The following PITPNM2 variants were observed in gnomAD, a reference collection of about 807,000 sequenced individuals.
The protein encoded by PITPNM2 is phosphatidylinositol transfer protein membrane associated 2.
Under a neutral mutation model 132.2 loss-of-function variants are expected in PITPNM2, and 35 were observed. The observed-to-expected ratio is 0.26, with a 90% CI of 0.20 to 0.35. The LOEUF is 0.35. Ranked by LOEUF, PITPNM2 falls within the 10% of genes least tolerant of loss-of-function variation. PITPNM2 has a pLI of 1.00. For synonymous variants in PITPNM2, 738 were observed against 799.2 expected (o/e 0.92, Z 1.29); for missense variants, 1,332 against 1,912.0 (o/e 0.70, Z 5.66).
rs1278751715 is a variant in PITPNM2, at chr12:123,064,525, G to A, written c.-95-29840C>T. On this transcript the variant is annotated intron_variant, in intron 2 of 25. Coordinates refer to ENST00000320201, the MANE Select transcript of PITPNM2 (RefSeq NM_020845.3). The surrounding 1 kb of genome is among the most constrained non-coding windows in gnomAD (Gnocchi z 4.0). ...GCCCAAGCCCATCGCGCACAGTCTG[G>A]CTCCTCTATCTTTGGCGGGGAGCCT... Among the ~76,000 whole-genome samples, 1 of 152,208 alleles carries A rather than the reference G, an allele frequency of 6.6e-6. No homozygotes were observed. The highest frequency in any genetic ancestry group is 2.1e-4 in the South Asian group (1 of 4,830).
chr12:123,009,318 C>G lies in PITPNM2; in HGVS notation c.643+532G>C, dbSNP rs2136227205. On this transcript the variant is annotated intron_variant, in intron 6 of 25. Coordinates refer to ENST00000320201, the MANE Select transcript of PITPNM2 (RefSeq NM_020845.3). This position sits in a 1 kb window ranked among gnomAD's most constrained non-coding sequence, Gnocchi z 4.8. ...GACCCCCAGGCCATCTGCTGTCTAC[C>G]TGTTCCATGGGCACCTACTCTGGCT... Among the ~76,000 whole-genome samples, 1 of 152,310 alleles carries G rather than the reference C, an allele frequency of 6.6e-6. No individual in the cohort carries two copies. Among genetic ancestry groups the G allele is most frequent in the East Asian group, 1.9e-4 (1 of 5,188 alleles).
rs1249027368 is a variant in PITPNM2 at position 123,009,288 on chromosome 12, A to G, written c.643+562T>C. Among the ~76,000 whole-genome samples, 1 of 152,144 alleles carries G rather than the reference A, an allele frequency of 6.6e-6. No individual in the cohort carries two copies. Among genetic ancestry groups the G allele is most frequent in the African/African-American group, 2.4e-5 (1 of 41,414 alleles). On this transcript the variant is annotated intron_variant, in intron 6 of 25. Transcript: ENST00000320201. This position sits in a 1 kb window ranked among gnomAD's most constrained non-coding sequence, Gnocchi z 4.8. ...TAGGTGAGGAAATGGCACTCACTGC[A>G]CCAGGACCCCCAGGCCATCTGCTGT... is the stretch of plus-strand genomic sequence containing the variant.
chr12:123,020,964 G>C (rs1335966542), intron 3 of PITPNM2, among the ~76,000 whole-genome samples: 1 of 150,086 alleles, frequency 6.7e-6, no homozygotes, highest in African/African-American at 2.5e-5. Flanking sequence ...AGGAGGCAGA[G>C]GTTGCAGTGA....
chr12:123,084,877 C>T (rs1195061188), intron 2 of PITPNM2: 2 of 152,170 alleles, frequency 1.3e-5, no homozygotes, highest in African/African-American at 4.8e-5. Flanking sequence ...ATCAAAGTCC[C>T]TGAATTAATT....
intron 6 of PITPNM2, among the ~76,000 whole-genome samples, chr12:123,006,527 C>G (rs910206886): frequency 9.3e-5 from 14 of 150,624 alleles, no homozygotes; most frequent in African/African-American, 3.2e-4. Context: ...ACAGGGAGAT[C>G]CCCCATCTCT....
rs1194126278 is a variant in PITPNM2, at chr12:122,994,152, C to T, written c.2233+649G>A. ...GCCTCCCAAAGTGCTGGATTACAGG[C>T]GTGAGCCACCGCGCCCGGCCAGCTC... On this transcript the variant is annotated intron_variant, in intron 15 of 25. Transcript: ENST00000320201. This position sits in a 1 kb window ranked among gnomAD's most constrained non-coding sequence, Gnocchi z 5.4. Among the ~76,000 whole-genome samples the T allele has an allele frequency of 1.3e-5, 2 of 152,226 alleles. No individual in the cohort carries two copies. The highest frequency in any genetic ancestry group is 6.5e-5 in the Admixed American group (1 of 15,284).
intron 1 of PITPNM2, among the ~76,000 whole-genome samples, chr12:123,122,029 C>G (rs542615985): frequency 3.9e-5 from 6 of 152,158 alleles, no homozygotes; most frequent in Non-Finnish European, 7.4e-5. Flanking sequence ...CCATCTAACA[C>G]GTCAACCATT....
chr12:123,141,109 G>A (rs2043496816), intron 1 of PITPNM2, among the ~76,000 whole-genome samples: 4 of 152,126 alleles, frequency 2.6e-5, no homozygotes, highest in Admixed American at 2.6e-4. Context: ...TGAACATGAG[G>A]GATCAGGTCT....
chr12:123,127,581 TGA>T (rs1226738710), intron 1 of PITPNM2, among the ~76,000 whole-genome samples: 1 of 151,952 alleles, frequency 6.6e-6, no homozygotes, highest in Admixed American at 6.6e-5. Flanking sequence ...ACCTCCTATC[TGA>T]GAGTTATGCC....
intron 1 of PITPNM2, among the ~76,000 whole-genome samples, chr12:123,137,959 C>G (rs2137626338): frequency 6.6e-6 from 1 of 151,926 alleles, no homozygotes; most frequent in South Asian, 2.1e-4. Context: ...TCAGTGGTCA[C>G]TTACCTTGGA....
intron 1 of PITPNM2, among the ~76,000 whole-genome samples, chr12:123,146,968 A>G (rs2043631385): frequency 6.6e-6 from 1 of 152,200 alleles, no homozygotes; most frequent in African/African-American, 2.4e-5. Flanking sequence ...TCAAAGATAC[A>G]GAGGATTTGA....
chr12:123,027,190 A>C (rs898750176), intron 3 of PITPNM2, among the ~76,000 whole-genome samples: 1 of 151,954 alleles, frequency 6.6e-6, no homozygotes, highest in African/African-American at 2.4e-5. Flanking sequence ...TTGGCCACAT[A>C]CATCTTCAGT....
intron 8 of PITPNM2, 35 bp from the exon 9 acceptor site, chr12:123,001,193 G>A (rs1401035094): frequency 6.4e-7 from 1 of 1,555,570 alleles, no homozygotes; most frequent in Admixed American, 1.7e-5. Flanking sequence ...GGTGGGACTG[G>A]GAACGCTGGG....
chr12:123,129,211 G>T (rs978543546), intron 1 of PITPNM2, among the ~76,000 whole-genome samples: 1 of 152,032 alleles, frequency 6.6e-6, no homozygotes, highest in Non-Finnish European at 1.5e-5. Flanking sequence ...TGAGGCAGGG[G>T]AATCCCTTAA....
intron 1 of PITPNM2, among the ~76,000 whole-genome samples, chr12:123,123,902 C>G (rs1566302430): frequency 6.8e-6 from 1 of 147,654 alleles, no homozygotes; most frequent in Non-Finnish European, 1.5e-5. Context: ...CACCACCGCA[C>G]TCTACCCTGG....
intron 3 of PITPNM2, among the ~76,000 whole-genome samples, chr12:123,030,278 G>A (rs937376775): frequency 3.3e-5 from 5 of 152,212 alleles, no homozygotes; most frequent in African/African-American, 1.2e-4. Flanking sequence ...ATTCCCAGTA[G>A]GAATGTAAAA....
chr12:123,129,828 GA>G (rs1328383017), intron 1 of PITPNM2, among the ~76,000 whole-genome samples: 1 of 151,604 alleles, frequency 6.6e-6, no homozygotes, highest in Non-Finnish European at 1.5e-5. Context: ...GGAACACGGG[GA>G]AAACAACACA....
Position 123,034,648 on chromosome 12 carries a change from G to T in PITPNM2, c.-58C>A. The T allele has an allele frequency of 1.3e-6, 2 of 1,493,720 alleles. No individual in the cohort carries two copies. The highest frequency in any genetic ancestry group is 1.7e-5 in the Admixed American group (1 of 59,828). The allele number at this position is 1,493,720 out of a possible 1,614,324, so 92.5% of individuals were successfully genotyped here. A position where few individuals can be genotyped will look rare whatever the true frequency, so the allele number is the denominator to read the frequency against. On this transcript the variant is annotated 5_prime_UTR_variant, in exon 3 of 26. Coordinates refer to ENST00000320201, the MANE Select transcript of PITPNM2 (RefSeq NM_020845.3). ...CTGCAAGTTGGGACTTCTAGGCAAG[G>T]TTCCTTAAATAACCATGACAAAATT...
rs1292570110 is a variant in PITPNM2, at chr12:122,989,712, TG to T, written c.2731+74del. 41 of 1,295,488 alleles carry T rather than the reference TG, an allele frequency of 3.2e-5. No individual in the cohort carries two copies. In the Admixed American group the frequency reaches 8.5e-4, roughly 27 times the overall value. 80.2% of individuals were successfully genotyped at this position (1,295,488 alleles called of 1,614,324 possible). On this transcript the variant is annotated intron_variant, in intron 18 of 25. Transcript: ENST00000320201. ...TGTTAGGCCGAAGCGGGGGTCTAGG[TG>T]GGCAGAGCCTGGCAGTGAGGGGTGC...
Sources: gnomAD v4.1 joint callset for allele counts (sites outside exome capture counted in the v4.1 genomes callset) on GRCh38, gnomAD v4.1.1 for gene constraint, Gnocchi (gnomAD v3.1) non-coding constraint, MANE v1.5 for transcripts, NCBI Gene and HGNC (gene_info 2026-07-23, HGNC 2026-07-21) for gene names.